The following XIRP2 variants were observed in gnomAD, a reference collection of about 807,000 sequenced individuals.
XIRP2 encodes the protein xin actin binding repeat containing 2.
Under a neutral mutation model 277.0 loss-of-function variants are expected in XIRP2, and 236 were observed. That is an observed-to-expected ratio of 0.85 (90% CI 0.77 to 0.95). The LOEUF (loss-of-function observed/expected upper bound fraction) is 0.95, where lower values mean the gene tolerates loss of function less well. Ranked by LOEUF, XIRP2 falls within the 40% of genes least tolerant of loss-of-function variation. The pLI is 0.00. For missense variants in XIRP2, 4,640 were observed against 4,157.5 expected, an observed-to-expected ratio of 1.12 and a Z score of -3.19; for synonymous variants, 1,490 against 1,416.5, an observed-to-expected ratio of 1.05 and a Z score of -1.17.
chr2:167,040,233 C>A (rs921447740), intron 2 of XIRP2, among the ~76,000 whole-genome samples: 1 of 151,492 alleles, frequency 6.6e-6, no homozygotes, highest in African/African-American at 2.4e-5. Context: ...ACCAGACCAT[C>A]AAGAAGACCA....
At chr2:167,021,801 G>A (rs1446173284) in intron 2 of XIRP2, among the ~76,000 whole-genome samples, 1 of 151,812 alleles carries the variant, frequency 6.6e-6, no homozygotes, top group Non-Finnish European at 1.5e-5. Flanking sequence ...CTCCAGCCTG[G>A]GTGACAGAGA....
At chr2:167,103,951 T>C (rs893980291) in intron 2 of XIRP2, among the ~76,000 whole-genome samples, 2 of 152,184 alleles carry the variant, frequency 1.3e-5, no homozygotes, top group African/African-American at 4.8e-5. Context: ...GTACTTCCTC[T>C]GTTGGAAATA....
At chr2:167,256,919 T>C (rs936766090) in intron 10 of XIRP2, among the ~76,000 whole-genome samples, 10 of 151,878 alleles carry the variant, frequency 6.6e-5, no homozygotes, top group Admixed American at 3.9e-4. Context: ...TCTCCTATTT[T>C]TTCTCACTTT....
intron 2 of XIRP2, among the ~76,000 whole-genome samples, chr2:166,987,298 A>G (rs1416775147): frequency 6.6e-6 from 1 of 152,160 alleles, no homozygotes; most frequent in Non-Finnish European, 1.5e-5. Flanking sequence ...TATAGAGTAA[A>G]CTAAGAAATA....
At chr2:166,941,225 A>G (rs1393796876) in intron 2 of XIRP2, among the ~76,000 whole-genome samples, 1 of 152,044 alleles carries the variant, frequency 6.6e-6, no homozygotes, top group African/African-American at 2.4e-5. Flanking sequence ...AGGCTTCATG[A>G]CTGTGGGACT....
intron 3 of XIRP2, among the ~76,000 whole-genome samples, chr2:167,201,455 A>G (rs1693719491): frequency 6.6e-6 from 1 of 151,992 alleles, no homozygotes; most frequent in Non-Finnish European, 1.5e-5. Context: ...AAAGCGCGAC[A>G]CCACCTCCCA....
At chr2:166,940,983 A>C (rs1685693955) in intron 2 of XIRP2, among the ~76,000 whole-genome samples, 2 of 152,074 alleles carry the variant, frequency 1.3e-5, no homozygotes, top group African/African-American at 4.8e-5. Flanking sequence ...TCTCAGACAG[A>C]GACATTTAAG....
At chr2:167,237,756 G>A (rs117225051) in intron 5 of XIRP2, among the ~76,000 whole-genome samples, 1 of 152,202 alleles carries the variant, frequency 6.6e-6, no homozygotes, top group African/African-American at 2.4e-5. Flanking sequence ...CTGATCAGGT[G>A]CACATTCTCC....
intron 2 of XIRP2, among the ~76,000 whole-genome samples, chr2:167,113,380 G>T (rs1383825613): frequency 6.6e-6 from 1 of 152,122 alleles, no homozygotes; most frequent in African/African-American, 2.4e-5. Flanking sequence ...TTGTTGAATT[G>T]AACTCTCTAC....
At chr2:167,087,081 C>G (rs925417391) in intron 2 of XIRP2, among the ~76,000 whole-genome samples, 15 of 151,762 alleles carry the variant, frequency 9.9e-5, no homozygotes, top group African/African-American at 3.6e-4. Context: ...GTTTTATCTA[C>G]TTTTGGTCTT....
chr2:167,014,383 C>A (rs983773360), intron 2 of XIRP2, among the ~76,000 whole-genome samples: 1 of 151,448 alleles, frequency 6.6e-6, no homozygotes, highest in African/African-American at 2.4e-5. Flanking sequence ...TGAGGTATAA[C>A]AACAGAGAAA....
intron 3 of XIRP2, among the ~76,000 whole-genome samples, chr2:167,139,337 C>A (rs1428284558): frequency 1.3e-5 from 2 of 152,000 alleles, no homozygotes; most frequent in Admixed American, 6.6e-5. Context: ...TTTAATATGA[C>A]AATTGCCTGC....
intron 2 of XIRP2, among the ~76,000 whole-genome samples, chr2:167,128,036 A>G (rs1691259277): frequency 6.6e-6 from 1 of 152,210 alleles, no homozygotes; most frequent in Non-Finnish European, 1.5e-5. Context: ...CACTTCTCTG[A>G]GGCACACATT....
intron 2 of XIRP2, among the ~76,000 whole-genome samples, chr2:166,946,350 G>A (rs772783021): frequency 2.0e-5 from 3 of 152,132 alleles, no homozygotes; most frequent in Non-Finnish European, 2.9e-5. Flanking sequence ...CACTAACTGC[G>A]CAAACTATCC....
At chr2:167,186,063 T>C (rs947179549) in intron 3 of XIRP2, among the ~76,000 whole-genome samples, 3 of 152,192 alleles carry the variant, frequency 2.0e-5, no homozygotes, top group African/African-American at 7.2e-5. Flanking sequence ...ACTATCCACA[T>C]GTGGAGACTG....
At chr2:166,967,845 A>T (rs1475379117) in intron 2 of XIRP2, among the ~76,000 whole-genome samples, 2 of 151,824 alleles carry the variant, frequency 1.3e-5, no homozygotes, top group East Asian at 3.9e-4. Flanking sequence ...GCTACTTTTA[A>T]TTTTTTTGAT....
chr2:167,243,118 T>A lies in XIRP2; in HGVS notation c.1726T>A (p.Ser576Thr). 1 of 1,614,088 alleles carries A rather than the reference T, an allele frequency of 6.2e-7. No homozygotes were observed. Among genetic ancestry groups the A allele is most frequent in the Non-Finnish European group, 8.5e-7 (1 of 1,179,990 alleles). ...WDEILKGEVQ[S>T]IRWIFENQPL... The stretch of plus-strand genomic sequence containing the variant: ...TGAAATTCTGAAGGGAGAGGTGCAG[T>A]CCATTAGATGGATCTTTGAGAATCA... Residue 576 changes from serine (S) to threonine (T), a missense_variant, in exon 9 of 11, where the codon TCC becomes ACC. Transcript: ENST00000409195.
intron 3 of XIRP2, among the ~76,000 whole-genome samples, chr2:167,162,797 C>T (rs1692410811): frequency 6.6e-6 from 1 of 152,194 alleles, no homozygotes; most frequent in Admixed American, 6.5e-5. Context: ...CCACAGAGTG[C>T]TCCCTTGTTG....
chr2:167,210,620 G>T (rs1410370029), intron 3 of XIRP2, 115 bp from the exon 4 acceptor site: 1 of 1,339,200 alleles, frequency 7.5e-7, no homozygotes, highest in Non-Finnish European at 1.0e-6. Context: ...ATTGTGAAAT[G>T]CTACAGTCCA....
Sources: gnomAD v4.1 joint callset for allele counts (sites outside exome capture counted in the v4.1 genomes callset) on GRCh38, gnomAD v4.1.1 for gene constraint, MANE v1.5 for transcripts, NCBI Gene and HGNC (gene_info 2026-07-23, HGNC 2026-07-21) for gene names.